Variants in PREPL observed in about 807,000 individuals in gnomAD.
PREPL encodes the protein prolyl endopeptidase like.
In PREPL, 77 loss-of-function variants were observed where a neutral mutation model predicts 70.6. That is an observed-to-expected ratio of 1.09 (90% CI 0.91 to 1.32). The LOEUF (loss-of-function observed/expected upper bound fraction) is 1.32, where lower values mean the gene tolerates loss of function less well. Ranked by LOEUF, PREPL falls within the 40% of genes most tolerant of loss-of-function variation. The pLI is 0.00. For synonymous variants in PREPL, 315 were observed against 264.8 expected, an observed-to-expected ratio of 1.19 and a Z score of -1.84; for missense variants, 1,002 against 778.2, an observed-to-expected ratio of 1.29 and a Z score of -3.42.
chr2:44,331,198 C>T (rs1301924799), intron 8 of PREPL, among the ~76,000 whole-genome samples: 1 of 152,166 alleles, frequency 6.6e-6, no homozygotes, highest in African/African-American at 2.4e-5. Context: ...CCAGCTTGGC[C>T]TCCCAAAGTG....
intron 10 of PREPL, among the ~76,000 whole-genome samples, chr2:44,325,031 AT>A (rs1558486398): frequency 6.6e-6 from 1 of 152,244 alleles, no homozygotes; most frequent in East Asian, 1.9e-4. Flanking sequence ...TTAACCAAGT[AT>A]AGTGAGTCAT....
At chr2:44,359,976 G>A (rs1385100133) in intron 1 of PREPL, 12 of 419,858 alleles carry the variant, frequency 2.9e-5, no homozygotes, top group East Asian at 4.4e-5. Flanking sequence ...TGTCTCATTT[G>A]TAAAGTTAAT....
chr2:44,338,373 T>C lies in PREPL; in HGVS notation c.866A>G (p.Asp289Gly), dbSNP rs780008320. 10 of 1,612,240 alleles carry C rather than the reference T, an allele frequency of 6.2e-6. No individual in the cohort carries two copies. The highest frequency in any genetic ancestry group is 1.7e-4 in the Middle Eastern group (1 of 6,038). The change falls in exon 7 of 14, where the codon GAT becomes GGT. Residue 289 changes from aspartate to glycine, a missense_variant. Asp to Gly is a moderately conservative substitution (Grantham distance 94, BLOSUM62 -1). Transcript: ENST00000409411. ...TACCTTTAGAGACCGAACTGAATCA[T>C]CAGCCAGACCAATCACATTAACATA... The part of the protein sequence containing the change: ...LLYVNVIGLA[D>G]DSVRSLKLPP...
At chr2:44,356,747 T>C (rs1024002635) in intron 1 of PREPL, among the ~76,000 whole-genome samples, 11 of 152,072 alleles carry the variant, frequency 7.2e-5, no homozygotes, top group Admixed American at 6.6e-4. Flanking sequence ...TAACAAGAGG[T>C]ATAGAATCAT....
chr2:44,348,106 A>G (rs371482442), intron 1 of PREPL, among the ~76,000 whole-genome samples: 17 of 152,110 alleles, frequency 1.1e-4, no homozygotes, highest in African/African-American at 4.1e-4. Flanking sequence ...CCCAGGCTGG[A>G]CTCAAACTCC....
At chr2:44,322,980 T>C in intron 11 of PREPL, 126 bp from the exon 12 acceptor site, 1 of 1,308,068 alleles carries the variant, frequency 7.6e-7, no homozygotes, top group Non-Finnish European at 1.0e-6. Context: ...TCTCACTTGC[T>C]ATCTTGAGAG....
chr2:44,356,811 T>G, intron 1 of PREPL, among the ~76,000 whole-genome samples: 1 of 6,650 alleles, frequency 1.5e-4, no homozygotes, highest in South Asian at 5.2e-3. Context: ...AAACTCCCTA[T>G]TTTTTTTTTT....
intron 10 of PREPL, among the ~76,000 whole-genome samples, chr2:44,323,982 C>T (rs1673240500): frequency 6.6e-6 from 1 of 152,210 alleles, no homozygotes. Context: ...CCTATGTTCA[C>T]AGCAGCATAT....
chr2:44,361,749 G>T, upstream of PREPL: 1 of 478,906 alleles, frequency 2.1e-6, no homozygotes, highest in Non-Finnish European at 3.4e-6. Flanking sequence ...CAGTAGCCCT[G>T]CCACAGCTCT....
intron 1 of PREPL, among the ~76,000 whole-genome samples, chr2:44,351,445 T>C (rs1676426061): frequency 6.6e-6 from 1 of 151,978 alleles, no homozygotes; most frequent in Admixed American, 6.6e-5. Context: ...CATTTTTACT[T>C]AGATGTCTAA....
intron 2 of PREPL, among the ~76,000 whole-genome samples, chr2:44,345,635 A>C (rs1432771745): frequency 1.3e-5 from 2 of 152,344 alleles, no homozygotes; most frequent in East Asian, 3.9e-4. Context: ...GGCGTGAGCC[A>C]CTGCACGCAC....
At chr2:44,360,175 G>T in intron 1 of PREPL, 1 of 152,754 alleles carries the variant, frequency 6.5e-6, no homozygotes, top group Non-Finnish European at 1.5e-5. Context: ...CGTATCTTTG[G>T]TATATATGTG....
intron 1 of PREPL, among the ~76,000 whole-genome samples, chr2:44,346,846 T>G (rs907172159): frequency 1.3e-5 from 2 of 152,142 alleles, no homozygotes; most frequent in African/African-American, 4.8e-5. Flanking sequence ...TGGAAGACAT[T>G]ATCACTACTA....
At chr2:44,356,208 C>G (rs1677025307) in intron 1 of PREPL, 1 of 152,162 alleles carries the variant, frequency 6.6e-6, no homozygotes, top group African/African-American at 2.4e-5. Flanking sequence ...CAGTGTCAGT[C>G]AAGTTGTGAG....
intron 9 of PREPL, among the ~76,000 whole-genome samples, chr2:44,327,610 C>T (rs1334802096): frequency 1.3e-5 from 2 of 152,148 alleles, no homozygotes; most frequent in African/African-American, 2.4e-5. Context: ...CCTGTCATCT[C>T]AGCATTTTGG....
Position 44,318,417 on chromosome 2 carries a change from ACAAGAAATGATTTAAATATTTTAT to A in PREPL, c.*2915_*2938del. Reference sequence around the variant, plus strand: ...GCAAAATTTGTTTTTAATAGAAGACACAAGAAATGATTTAAATATTTTATCAACAGAAAACCAGTTCTATCAACT... The same window carrying A: ...GCAAAATTTGTTTTTAATAGAAGACACAACAGAAAACCAGTTCTATCAACT... On this transcript the variant is annotated 3_prime_UTR_variant, in exon 14 of 14. Coordinates refer to ENST00000409411, the MANE Select transcript of PREPL (RefSeq NM_001171613.2). The A allele has an allele frequency of 5.5e-6, 1 of 181,144 alleles. No homozygotes were observed. The highest frequency in any genetic ancestry group is 1.2e-5 in the Non-Finnish European group (1 of 84,412). 11.2% of individuals were successfully genotyped at this position (181,144 alleles called of 1,614,324 possible).
At chr2:44,329,200 T>C (rs868642967) in intron 8 of PREPL, 88 bp from the exon 9 acceptor site, 1 of 1,092,832 alleles carries the variant, frequency 9.2e-7, no homozygotes, top group Middle Eastern at 2.6e-4. Flanking sequence ...AGGTGCACTG[T>C]CCCCACTTGT....
chr2:44,347,719 T>C (rs914896973), intron 1 of PREPL, among the ~76,000 whole-genome samples: 5 of 152,222 alleles, frequency 3.3e-5, no homozygotes, highest in African/African-American at 1.2e-4. Context: ...AATTGTACAG[T>C]GATTTGTACC....
intron 8 of PREPL, among the ~76,000 whole-genome samples, chr2:44,331,364 G>A (rs931285029): frequency 2.0e-5 from 3 of 151,956 alleles, no homozygotes; most frequent in Non-Finnish European, 2.9e-5. Flanking sequence ...ACAGGCACCT[G>A]CCACCACACC....
Sources: gnomAD v4.1 joint callset for allele counts (sites outside exome capture counted in the v4.1 genomes callset) on GRCh38, gnomAD v4.1.1 for gene constraint, MANE v1.5 for transcripts, NCBI Gene and HGNC (gene_info 2026-07-23, HGNC 2026-07-21) for gene names.